CACNB2: variants seen among roughly 807,000 people sequenced by gnomAD.
The protein encoded by CACNB2 is voltage-dependent L-type calcium channel subunit beta-2.
A neutral mutation model predicts 73.3 loss-of-function variants in CACNB2; 42 were observed. The observed-to-expected ratio is 0.57, with a 90% CI of 0.45 to 0.74. The LOEUF is 0.74. CACNB2 is among the 30% of genes least tolerant of loss of function. The probability of loss-of-function intolerance (pLI) is 0.00; values close to 1 mark genes in which losing one functional copy is unlikely to be tolerated. For synonymous variants in CACNB2, 348 were observed against 310.3 expected, an observed-to-expected ratio of 1.12 and a Z score of -1.28; for missense variants, 940 against 853.0, an observed-to-expected ratio of 1.10 and a Z score of -1.27.
chr10:18,516,814 G>GT lies in CACNB2; in HGVS notation c.805-1510dup, dbSNP rs796929745. Among the ~76,000 whole-genome samples the GT allele has an allele frequency of 3.7e-3, 531 of 141,906 alleles. 1 individual carries two copies. Among genetic ancestry groups the GT allele is most frequent in the African/African-American group, 4.2e-3 (165 of 39,024 alleles). 93.1% of individuals were successfully genotyped at this position (141,906 alleles called of 152,430 possible). ...GCTGTCACTGTATTATGTTTGTCTT[G>GT]TTTTTTTTTTTTCTGTTCAAAACTG... On this transcript the variant is annotated intron_variant, in intron 7 of 13. Transcript: ENST00000324631.
chr10:18,475,064 A>G lies in CACNB2; in HGVS notation c.334-23291A>G, dbSNP rs114008234. On this transcript the variant is annotated intron_variant, in intron 3 of 13. Coordinates refer to ENST00000324631, the MANE Select transcript of CACNB2 (RefSeq NM_201596.3). ...CTCAAGAGAACAGCCGACTTACTAGATGACTAGTTTATTATAAGAGGATAC... is the reference window on the plus strand; with the variant it reads ...CTCAAGAGAACAGCCGACTTACTAGGTGACTAGTTTATTATAAGAGGATAC... Among the ~76,000 whole-genome samples the G allele has an allele frequency of 2.3e-3, 343 of 150,094 alleles. 1 individual carries two copies. Among genetic ancestry groups the G allele is most frequent in the African/African-American group, 8.2e-3 (335 of 40,726 alleles).
chr10:18,539,391 C>T lies in CACNB2; in HGVS notation c.1650C>T (p.Ser550=), dbSNP rs149330185. The T allele has an allele frequency of 4.6e-5, 75 of 1,613,986 alleles. No individual in the cohort carries two copies. In the African/African-American group the frequency reaches 7.3e-4, roughly 16 times the overall value. ...NHRSGTSRGL[S]RQETFDSETQ... ...GCAGTGGGACAAGTCGCGGCCTCTC[C>T]AGGCAAGAGACATTTGACTCGGAAA... Residue 550 remains serine, a synonymous_variant, in exon 14 of 14, where the codon TCC becomes TCT. Transcript: ENST00000324631.
intron 3 of CACNB2, among the ~76,000 whole-genome samples, chr10:18,448,337 G>A (rs764261825): frequency 6.2e-4 from 94 of 152,026 alleles, no homozygotes; most frequent in Admixed American, 3.5e-3. Flanking sequence ...GGGCATGATG[G>A]TGGGTGCCTA....
intron 2 of CACNB2, among the ~76,000 whole-genome samples, chr10:18,214,511 C>A (rs1271822094): frequency 1.4e-5 from 1 of 69,644 alleles, no homozygotes; most frequent in African/African-American, 3.4e-5. Context: ...CCTGTAATCC[C>A]AGCTACTCAG....
chr10:18,254,628 G>A lies in CACNB2; in HGVS notation c.213+103653G>A, dbSNP rs11013199. ...AGAAATAAAGGAAAATTAGAGAAAG[G>A]TTTTCAGTTCTGTAGAAGCTGGAAT... On this transcript the variant is annotated intron_variant, in intron 2 of 13. Transcript: ENST00000324631. 1.7e-3 allele frequency among the ~76,000 whole-genome samples: 259 copies of A among 152,282 alleles called. 3 individuals carry two copies. In the East Asian group the frequency reaches 0.043, roughly 25 times the overall value.
At chr10:18,358,545 TCTCTCTC>T (rs2042021010) in intron 2 of CACNB2, among the ~76,000 whole-genome samples, 1 of 29,418 alleles carries the variant, frequency 3.4e-5, no homozygotes, top group African/African-American at 1.1e-4. Context: ...TCTCTCTCTC[TCTCTCTC>T]GCTCTCTCTC....
At chr10:18,515,246 C>T (rs773220130) in intron 7 of CACNB2, among the ~76,000 whole-genome samples, 2 of 152,220 alleles carry the variant, frequency 1.3e-5, no homozygotes, top group Non-Finnish European at 2.9e-5. Context: ...CTCCTTACTT[C>T]AGACAAAGCC....
At chr10:18,196,720 C>A (rs1380622114) in intron 2 of CACNB2, among the ~76,000 whole-genome samples, 1 of 152,192 alleles carries the variant, frequency 6.6e-6, no homozygotes, top group African/African-American at 2.4e-5. Flanking sequence ...ACAAACTCAT[C>A]TTCCTTCCAA....
In CACNB2 at chr10:18,261,142, A is replaced by G. The variant is rs1235808773; in HGVS notation, c.213+110167A>G. The stretch of plus-strand genomic sequence containing the variant: ...AGAAACTACCTAGGAGGCAGAAGCT[A>G]AGTGATTTGCTCATGCCTCTTACCT... On this transcript the variant is annotated intron_variant, in intron 2 of 13. Coordinates refer to ENST00000324631, the MANE Select transcript of CACNB2 (RefSeq NM_201596.3). 4 of 1,535,130 alleles carry G rather than the reference A, an allele frequency of 2.6e-6. No individual in the cohort carries two copies. The African/African-American group carries it at 4.1e-5, about 16-fold the overall frequency.
intron 2 of CACNB2, among the ~76,000 whole-genome samples, chr10:18,313,626 G>T (rs1490159425): frequency 6.6e-6 from 1 of 152,092 alleles, no homozygotes; most frequent in African/African-American, 2.4e-5. Context: ...CTAAAGAGGA[G>T]AATGTAATTA....
chr10:18,208,410 C>T (rs901821185), intron 2 of CACNB2, among the ~76,000 whole-genome samples: 5 of 151,986 alleles, frequency 3.3e-5, no homozygotes, highest in South Asian at 2.1e-4. Flanking sequence ...CCTGGGAGTT[C>T]GAGACCAGAC....
rs1315039558 is a variant in CACNB2, at chr10:18,228,446, AAAAG to A, written c.213+77475_213+77478del. The stretch of plus-strand genomic sequence containing the variant: ...AAAACTCTACCTCAAAAAAAAAAAA[AAAAG>A]AAAAAAAAAAAGAAAAGAAAAAACA... On this transcript the variant is annotated intron_variant, in intron 2 of 13. Coordinates refer to ENST00000324631, the MANE Select transcript of CACNB2 (RefSeq NM_201596.3). Among the ~76,000 whole-genome samples the A allele has an allele frequency of 8.2e-3, 1,151 of 140,706 alleles. 14 individuals carry two copies. Among genetic ancestry groups the A allele is most frequent in the East Asian group, 0.062 (291 of 4,682 alleles). 92.3% of individuals were successfully genotyped at this position (140,706 alleles called of 152,430 possible).
intron 3 of CACNB2, among the ~76,000 whole-genome samples, chr10:18,454,884 A>C (rs995927518): frequency 6.6e-6 from 1 of 152,152 alleles, no homozygotes; most frequent in Non-Finnish European, 1.5e-5. Context: ...CTACAAAAAA[A>C]TTAAAAAATT....
intron 3 of CACNB2, among the ~76,000 whole-genome samples, chr10:18,437,291 G>T (rs1564546620): frequency 6.6e-6 from 1 of 152,174 alleles, no homozygotes; most frequent in Non-Finnish European, 1.5e-5. Flanking sequence ...ATAAGGATGT[G>T]GAGAGAGGGA....
Position 18,527,593 on chromosome 10 carries a change from C to T in CACNB2, c.950C>T (p.Ser317Phe). The T allele has an allele frequency of 1.2e-6, 2 of 1,610,874 alleles. No individual in the cohort carries two copies. Among genetic ancestry groups the T allele is most frequent in the Non-Finnish European group, 1.7e-6 (2 of 1,177,098 alleles). Residue 317 changes from serine to phenylalanine, a missense_variant, in exon 10 of 14, where the codon TCC becomes TTC. Transcript: ENST00000324631. ...FLKHRFEGRI[S>F]ITRVTADISL... ...GTGACTTTTTCCTCCAACAGGATAT[C>T]CATCACAAGGGTCACCGCTGACATC...
chr10:18,232,129 G>C (rs2036246919), intron 2 of CACNB2, among the ~76,000 whole-genome samples: 1 of 152,034 alleles, frequency 6.6e-6, no homozygotes. Flanking sequence ...TTTTTCTTTT[G>C]GGGTTGATCA....
intron 1 of CACNB2, among the ~76,000 whole-genome samples, chr10:18,143,371 G>A (rs1234678201): frequency 1.3e-5 from 2 of 152,186 alleles, no homozygotes; most frequent in African/African-American, 4.8e-5. Context: ...TAATGGATAT[G>A]ACAGTTCTAT....
At chr10:18,148,920 A>G (rs1307853301) in intron 1 of CACNB2, among the ~76,000 whole-genome samples, 1 of 148,616 alleles carries the variant, frequency 6.7e-6, no homozygotes, top group Non-Finnish European at 1.5e-5. Flanking sequence ...TTGAGCCCAG[A>G]GGGTGTGGGG....
intron 2 of CACNB2, among the ~76,000 whole-genome samples, chr10:18,264,717 G>C (rs1237216290): frequency 1.3e-5 from 2 of 152,208 alleles, no homozygotes; most frequent in African/African-American, 2.4e-5. Context: ...TCGTGCTCAC[G>C]GTTGTACAGT....
Sources: allele counts gnomAD v4.1 joint callset (sites outside exome capture counted in the v4.1 genomes callset), GRCh38; gene constraint gnomAD v4.1.1; transcripts MANE v1.5; gene names NCBI Gene and HGNC (gene_info 2026-07-23, HGNC 2026-07-21).